The following PLXDC2 variants were observed in gnomAD, a reference collection of about 807,000 sequenced individuals.
PLXDC2 encodes the protein plexin domain-containing protein 2.
Under a neutral mutation model 68.9 loss-of-function variants are expected in PLXDC2, and 40 were observed. The observed-to-expected ratio is 0.58, with a 90% CI of 0.45 to 0.76. The LOEUF (loss-of-function observed/expected upper bound fraction) is 0.76. Ranked by LOEUF, PLXDC2 falls within the 30% of genes least tolerant of loss-of-function variation. The pLI is 0.00. For missense variants in PLXDC2, 644 were observed against 661.9 expected (o/e 0.97, Z 0.30); for synonymous variants, 243 against 234.2 (o/e 1.04, Z -0.34).
chr10:20,125,840 G>A (rs1350756890), intron 4 of PLXDC2, among the ~76,000 whole-genome samples: 1 of 151,974 alleles, frequency 6.6e-6, no homozygotes, highest in Non-Finnish European at 1.5e-5. Context: ...GAGAGTAAGT[G>A]ATGACATGAG....
intron 1 of PLXDC2, among the ~76,000 whole-genome samples, chr10:19,863,063 G>A (rs72784130): frequency 0.08 from 12,176 of 152,076 alleles, 611 homozygotes; most frequent in South Asian, 0.12. Flanking sequence ...ATTTTTAGAG[G>A]GTAAGAGGAG....
chr10:20,002,714 A>G (rs1834963859), intron 2 of PLXDC2, among the ~76,000 whole-genome samples: 1 of 152,170 alleles, frequency 6.6e-6, no homozygotes, highest in South Asian at 2.1e-4. Flanking sequence ...TTAGCCTAGA[A>G]CTTGGCATTT....
intron 1 of PLXDC2, among the ~76,000 whole-genome samples, chr10:19,928,077 G>C (rs1283849019): frequency 3.9e-5 from 6 of 152,100 alleles, no homozygotes; most frequent in Admixed American, 3.9e-4. Flanking sequence ...AGTTCATTTA[G>C]AACAATGGCC....
chr10:20,214,373 G>A (rs1835108861), intron 10 of PLXDC2, among the ~76,000 whole-genome samples: 1 of 152,044 alleles, frequency 6.6e-6, no homozygotes, highest in Middle Eastern at 3.2e-3. Flanking sequence ...TTGATGATGG[G>A]ATCCTCAGGA....
intron 1 of PLXDC2, among the ~76,000 whole-genome samples, chr10:19,870,976 T>C (rs1459145947): frequency 6.6e-6 from 1 of 152,166 alleles, no homozygotes; most frequent in African/African-American, 2.4e-5. Flanking sequence ...GAGATTTAGA[T>C]TGAATGAATT....
chr10:20,069,169 A>G (rs896105421), intron 4 of PLXDC2, among the ~76,000 whole-genome samples: 3 of 151,912 alleles, frequency 2.0e-5, no homozygotes, highest in East Asian at 1.9e-4. Context: ...ATTTTTTGCC[A>G]TACTTTAATA....
At chr10:20,128,598 C>G (rs1833823710) in intron 4 of PLXDC2, among the ~76,000 whole-genome samples, 2 of 152,026 alleles carry the variant, frequency 1.3e-5, no homozygotes, top group South Asian at 4.2e-4. Context: ...TATGAGATCT[C>G]CAGAACTTTA....
At chr10:20,058,807 C>T (rs975710940) in intron 3 of PLXDC2, among the ~76,000 whole-genome samples, 2 of 152,302 alleles carry the variant, frequency 1.3e-5, no homozygotes, top group East Asian at 3.9e-4. Flanking sequence ...ACTTGTCTAG[C>T]AGGAACCTCT....
intron 1 of PLXDC2, among the ~76,000 whole-genome samples, chr10:19,969,343 T>A (rs565790238): frequency 1.3e-5 from 2 of 152,230 alleles, no homozygotes; most frequent in Admixed American, 6.5e-5. Flanking sequence ...CAAACTGTGA[T>A]TTGAACTGAA....
intron 1 of PLXDC2, among the ~76,000 whole-genome samples, chr10:19,996,758 TG>T (rs1392525880): frequency 3.3e-5 from 5 of 152,072 alleles, no homozygotes; most frequent in Non-Finnish European, 7.4e-5. Context: ...TCCATGTGGC[TG>T]GGGAGGCCTC....
At chr10:20,123,933 G>T (rs1833734772) in intron 4 of PLXDC2, among the ~76,000 whole-genome samples, 1 of 151,936 alleles carries the variant, frequency 6.6e-6, no homozygotes, top group Non-Finnish European at 1.5e-5. Context: ...ATAAGGGGTT[G>T]GGGTAATTAT....
intron 6 of PLXDC2, among the ~76,000 whole-genome samples, chr10:20,160,736 A>G (rs1474364916): frequency 6.6e-6 from 1 of 152,192 alleles, no homozygotes; most frequent in Non-Finnish European, 1.5e-5. Flanking sequence ...AATAAACTAA[A>G]GAGACAGAAG....
intron 1 of PLXDC2, among the ~76,000 whole-genome samples, chr10:19,969,904 A>G (rs1834321727): frequency 6.6e-6 from 1 of 152,258 alleles, no homozygotes; most frequent in Non-Finnish European, 1.5e-5. Context: ...CATACTGCAT[A>G]CAATCCAGAG....
At chr10:20,157,719 A>G in intron 6 of PLXDC2, among the ~76,000 whole-genome samples, 1 of 152,202 alleles carries the variant, frequency 6.6e-6, no homozygotes, top group East Asian at 1.9e-4. Flanking sequence ...TAGCAATTGC[A>G]ACCACTTTCT....
At chr10:19,849,290 G>A (rs1358865051) in intron 1 of PLXDC2, among the ~76,000 whole-genome samples, 1 of 148,620 alleles carries the variant, frequency 6.7e-6, no homozygotes, top group East Asian at 2.0e-4. Context: ...ATCTGTATAT[G>A]TAGACAAGTA....
At chr10:19,916,052 G>A (rs1268526586) in intron 1 of PLXDC2, among the ~76,000 whole-genome samples, 1 of 151,562 alleles carries the variant, frequency 6.6e-6, no homozygotes, top group Admixed American at 6.6e-5. Context: ...ACTTGGAAAT[G>A]CTCTGTGGGT....
At chr10:20,211,127 G>A (rs1234821520) in intron 9 of PLXDC2, among the ~76,000 whole-genome samples, 2 of 152,062 alleles carry the variant, frequency 1.3e-5, no homozygotes, top group African/African-American at 2.4e-5. Flanking sequence ...TCAAGAGCAA[G>A]TCAAGGGCCA....
At chr10:20,196,269 C>T (rs924170986) in intron 9 of PLXDC2, among the ~76,000 whole-genome samples, 1 of 152,120 alleles carries the variant, frequency 6.6e-6, no homozygotes, top group Non-Finnish European at 1.5e-5. Flanking sequence ...TTTTCCCTCC[C>T]TGTTTTATAA....
In PLXDC2 at chr10:20,146,439, C is replaced by G. The variant is rs189244779; in HGVS notation, c.665-1345C>G. On this transcript the variant is annotated intron_variant, in intron 5 of 13. Coordinates refer to ENST00000377252, the MANE Select transcript of PLXDC2 (RefSeq NM_032812.9). ...TTTCTTTCTTTCTTTCTTTTTCTTTCTTTCTTCCTTTCTTCCTTCCTTCCT... is the reference window on the plus strand; with the variant it reads ...TTTCTTTCTTTCTTTCTTTTTCTTTGTTTCTTCCTTTCTTCCTTCCTTCCT... Among the ~76,000 whole-genome samples, 655 of 142,566 alleles carry G rather than the reference C, an allele frequency of 4.6e-3. 2 individuals are homozygous for G. Among genetic ancestry groups the G allele is most frequent in the African/African-American group, 0.016 (613 of 38,304 alleles). The allele number at this position is 142,566 out of a possible 152,430, so 93.5% of individuals were successfully genotyped here. A position where few individuals can be genotyped will look rare whatever the true frequency, so the allele number is the denominator to read the frequency against.
Sources: allele counts gnomAD v4.1 joint callset (sites outside exome capture counted in the v4.1 genomes callset), GRCh38; gene constraint gnomAD v4.1.1; transcripts MANE v1.5; gene names NCBI Gene and HGNC (gene_info 2026-07-23, HGNC 2026-07-21).